TNFRSF1A: variants seen among roughly 807,000 people sequenced by gnomAD.
TNFRSF1A encodes tumor necrosis factor receptor superfamily member 1A.
Under a neutral mutation model 41.6 loss-of-function variants are expected in TNFRSF1A, and 9 were observed. That is an observed-to-expected ratio of 0.22 (90% CI 0.13 to 0.38). The LOEUF is 0.38. Ranked by LOEUF, TNFRSF1A falls within the 10% of genes least tolerant of loss-of-function variation. The pLI is 1.00. For synonymous variants in TNFRSF1A, 254 were observed against 248.6 expected, an observed-to-expected ratio of 1.02 and a Z score of -0.21; for missense variants, 463 against 591.5, an observed-to-expected ratio of 0.78 and a Z score of 2.25.
intron 1 of TNFRSF1A, among the ~76,000 whole-genome samples, chr12:6,339,397 G>A (rs897842446): frequency 1.3e-5 from 2 of 152,222 alleles, no homozygotes; most frequent in Non-Finnish European, 2.9e-5. Flanking sequence ...TGCTAGGGAT[G>A]CTGAGGTGGA....
At position 6,334,045 on chromosome 12, in the gene TNFRSF1A, C is replaced by A. The variant is rs1206982359; in HGVS notation, c.193+46G>T. On this transcript the variant is annotated intron_variant, in intron 2 of 9. Transcript: ENST00000162749. The surrounding 1 kb of genome is among the most constrained non-coding windows in gnomAD (Gnocchi z 5.1). ...CAACTGGAAGAAGCAGAGAAAGAAGCAGCACCCCAGACCTGAGGGCATTCA... is the reference window on the plus strand; with the variant it reads ...CAACTGGAAGAAGCAGAGAAAGAAGAAGCACCCCAGACCTGAGGGCATTCA... 1.2e-6 allele frequency: 2 copies of A among 1,613,612 alleles called. No individual in the cohort carries two copies. Among genetic ancestry groups the A allele is most frequent in the African/African-American group, 2.7e-5 (2 of 74,910 alleles).
rs546674052 is a variant in TNFRSF1A, at chr12:6,341,098, G to A, written c.39+678C>T. Among the ~76,000 whole-genome samples, 3 of 152,156 alleles carry A rather than the reference G, an allele frequency of 2.0e-5. No homozygotes were observed. The highest frequency in any genetic ancestry group is 4.4e-5 in the Non-Finnish European group (3 of 68,030). On this transcript the variant is annotated intron_variant, in intron 1 of 9. Coordinates refer to ENST00000162749, the MANE Select transcript of TNFRSF1A (RefSeq NM_001065.4). This position sits in a 1 kb window ranked among gnomAD's most constrained non-coding sequence, Gnocchi z 4.6. ...TACCTGCCTAGCAGCAGGCAAAAGG[G>A]TAAAGAATGTCCCCAGGTGAGAGGC...
chr12:6,334,318 A>G lies in TNFRSF1A; in HGVS notation c.40-74T>C, dbSNP rs1948091478. On this transcript the variant is annotated intron_variant, in intron 1 of 9. Transcript: ENST00000162749. This position sits in a 1 kb window ranked among gnomAD's most constrained non-coding sequence, Gnocchi z 5.1. ...GGAAGCTTAGGGGTAGCAGATCTAA[A>G]ACTTCCCTGGCTCAAGTCCTTCCTC... 1 of 1,397,874 alleles carries G rather than the reference A, an allele frequency of 7.2e-7. No homozygotes were observed. 86.6% of individuals were successfully genotyped at this position (1,397,874 alleles called of 1,614,324 possible). A position where few individuals can be genotyped will look rare whatever the true frequency, so the allele number is the denominator to read the frequency against.
rs1948196375 is a variant in TNFRSF1A at position 6,341,668 on chromosome 12, A to AG, written c.39+107dup. 7.5e-7 allele frequency: 1 copy of AG among 1,336,080 alleles called. No homozygotes were observed. Among genetic ancestry groups the AG allele is most frequent in the African/African-American group, 1.4e-5 (1 of 69,412 alleles). The allele number at this position is 1,336,080 out of a possible 1,614,324, so 82.8% of individuals were successfully genotyped here. A position where few individuals can be genotyped will look rare whatever the true frequency, so the allele number is the denominator to read the frequency against. On this transcript the variant is annotated intron_variant, in intron 1 of 9. Coordinates refer to ENST00000162749, the MANE Select transcript of TNFRSF1A (RefSeq NM_001065.4). The surrounding 1 kb of genome is among the most constrained non-coding windows in gnomAD (Gnocchi z 4.6). ...GACCTGCAGGCCTGAGGCTGGCGCC[A>AG]GGACCAGGCCCGGGCAGGAGAGGCT...
chr12:6,335,783 G>A (rs1948112690), intron 1 of TNFRSF1A, among the ~76,000 whole-genome samples: 1 of 152,198 alleles, frequency 6.6e-6, no homozygotes, highest in Non-Finnish European at 1.5e-5. Flanking sequence ...GGAGCAGGAG[G>A]CCAGTCACCC....
chr12:6,333,590 AG>A lies in TNFRSF1A; in HGVS notation c.323-75del. ...GCATCCCCTTCCTGACATACCCCTA[AG>A]TGTGTGTCTCTGTAATACACACTCA... On this transcript the variant is annotated intron_variant, in intron 3 of 9. Transcript: ENST00000162749. This position sits in a 1 kb window ranked among gnomAD's most constrained non-coding sequence, Gnocchi z 6.3. The A allele has an allele frequency of 6.2e-7, 1 of 1,602,730 alleles. No individual in the cohort carries two copies. Among genetic ancestry groups the A allele is most frequent in the Non-Finnish European group, 8.5e-7 (1 of 1,171,918 alleles).
rs565991730 is a variant in TNFRSF1A at position 6,341,531 on chromosome 12, C to G, written c.39+245G>C. On this transcript the variant is annotated intron_variant, in intron 1 of 9. Transcript: ENST00000162749. The surrounding 1 kb of genome is among the most constrained non-coding windows in gnomAD (Gnocchi z 4.6). ...CTTCCACCGCTGTCAGGGGCCAGGG[C>G]TTCCTTTTACTCTCTCCCTTTCAAA... is the stretch of plus-strand genomic sequence containing the variant. 6.6e-6 allele frequency among the ~76,000 whole-genome samples: 1 copy of G among 152,276 alleles called. No homozygotes were observed. Among genetic ancestry groups the G allele is most frequent in the Non-Finnish European group, 1.5e-5 (1 of 68,050 alleles).
chr12:6,333,503 C>T lies in TNFRSF1A; in HGVS notation c.336G>A (p.Val112=), dbSNP rs1416440109. The change falls in exon 4 of 10, where the codon GTG becomes GTA. Residue 112 remains valine (V), a synonymous_variant. Transcript: ENST00000162749. This position sits in a 1 kb window ranked among gnomAD's most constrained non-coding sequence, Gnocchi z 6.3. ...GGTCCACTGTGCAAGAAGAGATCTC[C>T]ACCTGACCCATTTCTGGTGAGGGGA... ...CSKCRKEMGQ[V]EISSCTVDRD... 6.2e-7 allele frequency: 1 copy of T among 1,614,200 alleles called. No individual in the cohort carries two copies. Among genetic ancestry groups the T allele is most frequent in the Non-Finnish European group, 8.5e-7 (1 of 1,180,036 alleles).
rs151055389 is a variant in TNFRSF1A at position 6,333,220 on chromosome 12, G to C, written c.473-73C>G. 18 of 1,567,568 alleles carry C rather than the reference G, an allele frequency of 1.1e-5. No individual in the cohort carries two copies. The South Asian group carries it at 2.0e-4, about 18-fold the overall frequency. On this transcript the variant is annotated intron_variant, in intron 4 of 9. Coordinates refer to ENST00000162749, the MANE Select transcript of TNFRSF1A (RefSeq NM_001065.4). The surrounding 1 kb of genome is among the most constrained non-coding windows in gnomAD (Gnocchi z 6.3). ...CACCCCACAGGACAGAGGAAGTGAC[G>C]AGGGACAGGGTGGGGGCGGCCAGAG...
chr12:6,333,190 A>G lies in TNFRSF1A; in HGVS notation c.473-43T>C. The G allele has an allele frequency of 6.3e-7, 1 of 1,598,560 alleles. No individual in the cohort carries two copies. Among genetic ancestry groups the G allele is most frequent in the Non-Finnish European group, 8.6e-7 (1 of 1,167,476 alleles). ...GCACAGCTAAAGGAGAAGCGCCTGC[A>G]CCCCCACCCCACAGGACAGAGGAAG... On this transcript the variant is annotated intron_variant, in intron 4 of 9. Coordinates refer to ENST00000162749, the MANE Select transcript of TNFRSF1A (RefSeq NM_001065.4). This position sits in a 1 kb window ranked among gnomAD's most constrained non-coding sequence, Gnocchi z 6.3.
chr12:6,341,013 G>C lies in TNFRSF1A; in HGVS notation c.39+763C>G, dbSNP rs1948187694. On this transcript the variant is annotated intron_variant, in intron 1 of 9. Transcript: ENST00000162749. The surrounding 1 kb of genome is among the most constrained non-coding windows in gnomAD (Gnocchi z 4.6). ...GAGGGGAAGCTGGAGGACAGGCCCA[G>C]GGACACTGACCAGGTGGGGGTAGGA... Among the ~76,000 whole-genome samples the C allele has an allele frequency of 6.6e-6, 1 of 152,190 alleles. No individual in the cohort carries two copies. Among genetic ancestry groups the C allele is most frequent in the Non-Finnish European group, 1.5e-5 (1 of 68,028 alleles).
At position 6,329,402 on chromosome 12, in the gene TNFRSF1A, G is replaced by C. The variant is rs1243165990; in HGVS notation, c.1278C>G (p.Arg426=). ...ATLELLGRVL[R]DMDLLGCLED... ...CCAGGCAGCCCAGCAGGTCCATGTC[G>C]CGGAGCACGCGTCCCAGCAGCTCCA... Residue 426 remains arginine (R), a synonymous_variant, in exon 10 of 10, where the codon CGC becomes CGG. Coordinates refer to ENST00000162749, the MANE Select transcript of TNFRSF1A (RefSeq NM_001065.4). 2 of 1,564,104 alleles carry C rather than the reference G, an allele frequency of 1.3e-6. No individual in the cohort carries two copies. Among genetic ancestry groups the C allele is most frequent in the Non-Finnish European group, 1.7e-6 (2 of 1,161,548 alleles).
Position 6,341,342 on chromosome 12 carries a change from G to A in TNFRSF1A, c.39+434C>T, listed in dbSNP as rs930235406. ...TCCACAGGCAGCCTCGCCTCCCCAC[G>A]GCCCAACACCCTCCAGGCCAGCCAG... On this transcript the variant is annotated intron_variant, in intron 1 of 9. Coordinates refer to ENST00000162749, the MANE Select transcript of TNFRSF1A (RefSeq NM_001065.4). The surrounding 1 kb of genome is among the most constrained non-coding windows in gnomAD (Gnocchi z 4.6). Among the ~76,000 whole-genome samples, 2 of 152,000 alleles carry A rather than the reference G, an allele frequency of 1.3e-5. No homozygotes were observed. The highest frequency in any genetic ancestry group is 2.9e-5 in the Non-Finnish European group (2 of 68,012).
Position 6,329,261 on chromosome 12 carries a change from G to A in TNFRSF1A, c.*51C>T, listed in dbSNP as rs886972070. 11 of 1,425,054 alleles carry A rather than the reference G, an allele frequency of 7.7e-6. No homozygotes were observed. The African/African-American group carries it at 1.6e-4, about 21-fold the overall frequency. The allele number at this position is 1,425,054 out of a possible 1,614,324, so 88.3% of individuals were successfully genotyped here. Reference sequence around the variant, plus strand: ...CTCCTTTCCAGAAAAAAGTGGGGTTGGAAGGCGATCTCGCAGGACGGTCCT... The same window carrying A: ...CTCCTTTCCAGAAAAAAGTGGGGTTAGAAGGCGATCTCGCAGGACGGTCCT... On this transcript the variant is annotated 3_prime_UTR_variant, in exon 10 of 10. Coordinates refer to ENST00000162749, the MANE Select transcript of TNFRSF1A (RefSeq NM_001065.4).
chr12:6,335,308 C>T (rs73259283), intron 1 of TNFRSF1A, among the ~76,000 whole-genome samples: 63 of 152,054 alleles, frequency 4.1e-4, no homozygotes, highest in African/African-American at 1.5e-3. Context: ...AAAGTTGAGA[C>T]GGGGGCAGGA....
chr12:6,329,866 G>A lies in TNFRSF1A; in HGVS notation c.969C>T (p.Pro323=). The A allele has an allele frequency of 6.3e-7, 1 of 1,597,410 alleles. No individual in the cohort carries two copies. The highest frequency in any genetic ancestry group is 8.5e-7 in the Non-Finnish European group (1 of 1,172,064). The change falls in exon 9 of 10, where the codon CCC becomes CCT. Residue 323 remains proline, a synonymous_variant. Transcript: ENST00000162749. ...CGGAGGCGAGGGCTGTCGCAAGGAT[G>A]GGGTCAGCCCCCTGATAGGGTGGTG... The part of the protein sequence containing the change: ...EVAPPYQGAD[P]ILATALASDP...
rs1211275132 is a variant in TNFRSF1A, at chr12:6,334,270, C to A, written c.40-26G>T. On this transcript the variant is annotated intron_variant, in intron 1 of 9. Coordinates refer to ENST00000162749, the MANE Select transcript of TNFRSF1A (RefSeq NM_001065.4). The surrounding 1 kb of genome is among the most constrained non-coding windows in gnomAD (Gnocchi z 5.1). Reference sequence around the variant, plus strand: ...CTGGGGAAGAATCAGATAGAGGAGACACCATCAAGAGAGGGAGGGATGGGA... The same window carrying A: ...CTGGGGAAGAATCAGATAGAGGAGAAACCATCAAGAGAGGGAGGGATGGGA... 2 of 1,606,044 alleles carry A rather than the reference C, an allele frequency of 1.2e-6. No homozygotes were observed. The highest frequency in any genetic ancestry group is 2.2e-5 in the South Asian group (2 of 90,842).
At position 6,328,925 on chromosome 12, in the gene TNFRSF1A, T is replaced by C. The variant is rs115682467; in HGVS notation, c.*387A>G. Reference sequence around the variant, plus strand: ...GTGCCAAGTTTCTATTAGTGTAACATGATTGATTTAAAAACAAAACAAAAC... The same window carrying C: ...GTGCCAAGTTTCTATTAGTGTAACACGATTGATTTAAAAACAAAACAAAAC... On this transcript the variant is annotated 3_prime_UTR_variant, in exon 10 of 10. Transcript: ENST00000162749. 1,194 of 216,956 alleles carry C rather than the reference T, an allele frequency of 5.5e-3. 20 individuals carry two copies. The highest frequency in any genetic ancestry group is 0.026 in the African/African-American group (1,135 of 44,020). 13.4% of individuals were successfully genotyped at this position (216,956 alleles called of 1,614,324 possible).
chr12:6,331,235 G>C (rs55797598), intron 5 of TNFRSF1A: 101 of 443,728 alleles, frequency 2.3e-4, no homozygotes, highest in African/African-American at 1.7e-3. Context: ...CCCAAGCCTC[G>C]GTTTCCTCAT....
Sources: allele counts gnomAD v4.1 joint callset (sites outside exome capture counted in the v4.1 genomes callset), GRCh38; gene constraint gnomAD v4.1.1; non-coding constraint Gnocchi (gnomAD v3.1); transcripts MANE v1.5; gene names NCBI Gene and HGNC (gene_info 2026-07-23, HGNC 2026-07-21).